Variants in SGCZ observed in about 807,000 individuals in gnomAD.
SGCZ encodes the protein zeta-sarcoglycan.
Under a neutral mutation model 41.3 loss-of-function variants are expected in SGCZ, and 40 were observed. The observed-to-expected ratio is 0.97, with a 90% confidence interval of 0.75 to 1.26. The LOEUF (loss-of-function observed/expected upper bound fraction) is 1.26. Ranked by LOEUF, SGCZ falls within the 50% of genes most tolerant of loss-of-function variation. The pLI, the probability that SGCZ is intolerant of heterozygous loss-of-function variation, is 0.00. For synonymous variants in SGCZ, 206 were observed against 137.5 expected, an observed-to-expected ratio of 1.50 and a Z score of -3.49; for missense variants, 552 against 369.8, an observed-to-expected ratio of 1.49 and a Z score of -4.04.
intron 3 of SGCZ, among the ~76,000 whole-genome samples, chr8:14,263,986 C>T (rs1007997012): frequency 2.6e-5 from 4 of 152,190 alleles, no homozygotes; most frequent in Non-Finnish European, 4.4e-5. Flanking sequence ...GGCTCCAGGC[C>T]ACGGCCCACA....
chr8:14,884,479 G>T (rs971044843), intron 1 of SGCZ, among the ~76,000 whole-genome samples: 11 of 151,712 alleles, frequency 7.3e-5, no homozygotes, highest in African/African-American at 2.2e-4. Context: ...CTTCTTGGTG[G>T]GTAGATGGTA....
Position 15,100,282 on chromosome 8 carries a change from G to C in SGCZ, c.39+137303C>G, listed in dbSNP as rs142982827. On this transcript the variant is annotated intron_variant, in intron 1 of 7. Transcript: ENST00000382080. ...CAGGATACAAAGTTAATATATAAAA[G>C]TCCATTTATTTTTTATATTTCAGCA... Among the ~76,000 whole-genome samples the C allele has an allele frequency of 5.9e-5, 9 of 152,036 alleles. 1 individual carries two copies. Among genetic ancestry groups the C allele is most frequent in the African/African-American group, 2.2e-4 (9 of 41,462 alleles).
chr8:14,680,316 A>G (rs1490054509), intron 1 of SGCZ, among the ~76,000 whole-genome samples: 1 of 152,138 alleles, frequency 6.6e-6, no homozygotes, highest in African/African-American at 2.4e-5. Context: ...TAGAACATAC[A>G]ACACCAAAAG....
Position 14,128,105 on chromosome 8 carries a change from G to C in SGCZ, c.548-19870C>G, listed in dbSNP as rs186926230. Among the ~76,000 whole-genome samples, 504 of 152,276 alleles carry C rather than the reference G, an allele frequency of 3.3e-3. 1 individual carries two copies. The highest frequency in any genetic ancestry group is 5.8e-3 in the Non-Finnish European group (393 of 68,018). On this transcript the variant is annotated intron_variant, in intron 5 of 7. Coordinates refer to ENST00000382080, the MANE Select transcript of SGCZ (RefSeq NM_139167.4). Reference sequence around the variant, plus strand: ...AAAAATAACAGATTCTGGCGAGGTTGTGGAGAAAAAAATGCTTATACACTG... The same window carrying C: ...AAAAATAACAGATTCTGGCGAGGTTCTGGAGAAAAAAATGCTTATACACTG...
At chr8:14,107,691 C>T (rs1476375109) in intron 6 of SGCZ, among the ~76,000 whole-genome samples, 1 of 152,160 alleles carries the variant, frequency 6.6e-6, no homozygotes, top group Non-Finnish European at 1.5e-5. Flanking sequence ...CAGGCTGGAG[C>T]ACAGCGGCAT....
chr8:14,535,186 T>C (rs1803256630), intron 2 of SGCZ, among the ~76,000 whole-genome samples: 1 of 151,982 alleles, frequency 6.6e-6, no homozygotes, highest in East Asian at 1.9e-4. Flanking sequence ...TATTTAGATT[T>C]GATTACTTAA....
intron 1 of SGCZ, among the ~76,000 whole-genome samples, chr8:14,752,066 A>C (rs572140216): frequency 9.2e-5 from 14 of 151,474 alleles, no homozygotes; most frequent in Non-Finnish European, 1.9e-4. Context: ...AGAAGGGTAA[A>C]GATGAGAAAA....
At chr8:15,012,711 G>T in intron 1 of SGCZ, among the ~76,000 whole-genome samples, 1 of 138,746 alleles carries the variant, frequency 7.2e-6, no homozygotes, top group African/African-American at 2.7e-5. Flanking sequence ...TTATATAAAT[G>T]TTATAAAGAG....
intron 1 of SGCZ, among the ~76,000 whole-genome samples, chr8:15,101,896 G>C (rs532628260): frequency 7.9e-5 from 12 of 152,270 alleles, no homozygotes; most frequent in Admixed American, 2.0e-4. Flanking sequence ...CTGCACTCCA[G>C]CCTGAGCAAC....
At chr8:14,442,220 G>T (rs778641177) in intron 2 of SGCZ, among the ~76,000 whole-genome samples, 32 of 152,296 alleles carry the variant, frequency 2.1e-4, no homozygotes, top group Middle Eastern at 3.4e-3. Flanking sequence ...GGAGGTACCT[G>T]GTGGCAGGTA....
chr8:14,233,278 T>A (rs1806637202), intron 4 of SGCZ, among the ~76,000 whole-genome samples: 1 of 151,906 alleles, frequency 6.6e-6, no homozygotes, highest in African/African-American at 2.4e-5. Flanking sequence ...TTTTGTAATA[T>A]AAGAAAAAGC....
intron 1 of SGCZ, among the ~76,000 whole-genome samples, chr8:15,030,989 C>T (rs562857955): frequency 3.3e-5 from 5 of 152,146 alleles, no homozygotes; most frequent in African/African-American, 1.2e-4. Context: ...AGACAAGTTT[C>T]CTGGAGGATT....
At chr8:14,262,142 T>A (rs1799694621) in intron 3 of SGCZ, among the ~76,000 whole-genome samples, 1 of 152,154 alleles carries the variant, frequency 6.6e-6, no homozygotes, top group Non-Finnish European at 1.5e-5. Context: ...CTGATATGCA[T>A]TAAGGTAACT....
intron 1 of SGCZ, among the ~76,000 whole-genome samples, chr8:14,605,259 G>GT (rs146346588): frequency 0.013 from 2,004 of 151,096 alleles, 46 homozygotes; most frequent in African/African-American, 0.047. Context: ...TCTTTTTAAA[G>GT]TTTTTTTTTA....
At chr8:15,057,266 GT>G (rs761135592) in intron 1 of SGCZ, among the ~76,000 whole-genome samples, 4 of 152,164 alleles carry the variant, frequency 2.6e-5, no homozygotes, top group Non-Finnish European at 5.9e-5. Context: ...ATGCAGGAAG[GT>G]TCCAAATAAA....
At chr8:14,497,348 G>A (rs1802019075) in intron 2 of SGCZ, among the ~76,000 whole-genome samples, 1 of 152,036 alleles carries the variant, frequency 6.6e-6, no homozygotes, top group African/African-American at 2.4e-5. Flanking sequence ...GAAGGGAGAG[G>A]TCCAAGTCTG....
chr8:14,386,682 C>T (rs1321067270), intron 2 of SGCZ, among the ~76,000 whole-genome samples: 1 of 152,112 alleles, frequency 6.6e-6, no homozygotes, highest in Non-Finnish European at 1.5e-5. Flanking sequence ...AAGCTTTAAT[C>T]ATTATTATAG....
chr8:14,277,769 G>A (rs754823744), intron 3 of SGCZ, among the ~76,000 whole-genome samples: 59 of 152,078 alleles, frequency 3.9e-4, no homozygotes, highest in Middle Eastern at 3.2e-3. Context: ...CCCCAAGTGA[G>A]GGGAGGAATG....
At chr8:14,636,822 G>T (rs886536201) in intron 1 of SGCZ, among the ~76,000 whole-genome samples, 1 of 151,762 alleles carries the variant, frequency 6.6e-6, no homozygotes, top group Non-Finnish European at 1.5e-5. Context: ...TAAATAAATA[G>T]CCTTAAAACA....
Sources: gnomAD v4.1 joint callset for allele counts (sites outside exome capture counted in the v4.1 genomes callset) on GRCh38, gnomAD v4.1.1 for gene constraint, MANE v1.5 for transcripts, NCBI Gene and HGNC (gene_info 2026-07-23, HGNC 2026-07-21) for gene names.